Variants in PPP4R2 observed in about 807,000 individuals in gnomAD.
The protein encoded by PPP4R2 is serine/threonine-protein phosphatase 4 regulatory subunit 2.
PPP4R2 carries 13 observed loss-of-function variants against 47.2 expected under a neutral mutation model. The ratio of observed to expected loss-of-function variants is 0.28; its 90% CI spans 0.18 to 0.44. PPP4R2 has a LOEUF of 0.44. Ranked by LOEUF, PPP4R2 falls within the 20% of genes least tolerant of loss-of-function variation. The pLI is 1.00. For synonymous variants in PPP4R2, 151 were observed against 163.3 expected, an observed-to-expected ratio of 0.92 and a Z score of 0.57; for missense variants, 421 against 491.2, an observed-to-expected ratio of 0.86 and a Z score of 1.35.
chr3:73,044,773 T>G lies in PPP4R2; in HGVS notation c.117-2413T>G, dbSNP rs576843293. 2.6e-5 allele frequency among the ~76,000 whole-genome samples: 4 copies of G among 152,328 alleles called. No homozygotes were observed. The East Asian group carries it at 7.7e-4, about 29-fold the overall frequency. On this transcript the variant is annotated intron_variant, in intron 2 of 8. Coordinates refer to ENST00000356692, the MANE Select transcript of PPP4R2 (RefSeq NM_174907.4). ...TATCTTCTTTGGAGAAGTGCGTATT[T>G]AAGTACTTTGCCCATTTTTAAATTG...
intron 2 of PPP4R2, among the ~76,000 whole-genome samples, chr3:73,017,042 G>C (rs1227720353): frequency 6.6e-6 from 1 of 151,952 alleles, no homozygotes; most frequent in Non-Finnish European, 1.5e-5. Flanking sequence ...GCCCAGGCTG[G>C]TCCTGAACTC....
At chr3:73,045,526 A>ATTTTTTTTTT (rs10659714) in intron 2 of PPP4R2, among the ~76,000 whole-genome samples, 6 of 139,404 alleles carry the variant, frequency 4.3e-5, no homozygotes, top group East Asian at 4.1e-4. Flanking sequence ...CATTCTCCTA[A>ATTTTTTTTTT]TTTTTTTTTT....
chr3:73,012,387 G>C (rs11706155), intron 2 of PPP4R2, among the ~76,000 whole-genome samples: 80,214 of 151,788 alleles, frequency 0.53, 21,568 homozygotes, highest in African/African-American at 0.62. Flanking sequence ...GCAACCTCTG[G>C]CTTCCGGGTT....
rs143612642 is a variant in PPP4R2 at position 73,015,936 on chromosome 3, C to T, written c.116+17778C>T. ...TACAGACGTGAACTACTGCACCCGC[C>T]CTGTTTTTTTGAGTAGAGACAGGGT... is the stretch of plus-strand genomic sequence containing the variant. On this transcript the variant is annotated intron_variant, in intron 2 of 8. Transcript: ENST00000356692. 2.0e-3 allele frequency: 486 copies of T among 244,168 alleles called. 2 individuals are homozygous for T. Among genetic ancestry groups the T allele is most frequent in the Middle Eastern group, 0.013 (8 of 596 alleles). The allele number at this position is 244,168 out of a possible 1,614,324, so 15.1% of individuals were successfully genotyped here. A position where few individuals can be genotyped will look rare whatever the true frequency, so the allele number is the denominator to read the frequency against.
At chr3:73,064,259 A>G (rs1702936254) in intron 7 of PPP4R2, 113 bp downstream of exon 7, 2 of 927,170 alleles carry the variant, frequency 2.2e-6, no homozygotes, top group Non-Finnish European at 3.2e-6. Context: ...CAAGGTTTTC[A>G]TGCGGTTTAT....
At chr3:73,011,278 G>A (rs1287026006) in intron 2 of PPP4R2, among the ~76,000 whole-genome samples, 9 of 152,104 alleles carry the variant, frequency 5.9e-5, no homozygotes, top group Non-Finnish European at 1.2e-4. Flanking sequence ...TCAGGAGTTC[G>A]AGACTAGCCT....
At chr3:73,020,386 G>T (rs1701933901) in intron 2 of PPP4R2, among the ~76,000 whole-genome samples, 1 of 152,110 alleles carries the variant, frequency 6.6e-6, no homozygotes, top group African/African-American at 2.4e-5. Flanking sequence ...GGCCAGTTGT[G>T]GTGGGTGGCT....
chr3:73,046,686 G>A (rs1575875235), intron 2 of PPP4R2, among the ~76,000 whole-genome samples: 1 of 152,046 alleles, frequency 6.6e-6, no homozygotes, highest in Non-Finnish European at 1.5e-5. Context: ...AAAAGAGCCT[G>A]AAGATATTAA....
chr3:73,047,738 A>G (rs557745806), intron 3 of PPP4R2, among the ~76,000 whole-genome samples: 23 of 152,294 alleles, frequency 1.5e-4, no homozygotes, highest in African/African-American at 5.3e-4. Flanking sequence ...TTTTGTTTAG[A>G]CTTTTTTTGG....
At chr3:73,009,226 T>C (rs1701674552) in intron 2 of PPP4R2, among the ~76,000 whole-genome samples, 1 of 152,206 alleles carries the variant, frequency 6.6e-6, no homozygotes, top group African/African-American at 2.4e-5. Context: ...GGGGGTGGTA[T>C]TGTAGCAGTA....
intron 2 of PPP4R2, among the ~76,000 whole-genome samples, chr3:73,035,907 C>T (rs930871041): frequency 2.0e-5 from 3 of 152,260 alleles, no homozygotes; most frequent in South Asian, 2.1e-4. Flanking sequence ...TGAGCCACTG[C>T]GCCCGGCCAA....
At chr3:73,033,274 T>C (rs1170141393) in intron 2 of PPP4R2, among the ~76,000 whole-genome samples, 3 of 152,236 alleles carry the variant, frequency 2.0e-5, no homozygotes, top group Admixed American at 1.3e-4. Flanking sequence ...AGGAATTTTT[T>C]CATTGCTTTC....
At chr3:73,016,754 T>TTAATA in intron 2 of PPP4R2, among the ~76,000 whole-genome samples, 1 of 133,588 alleles carries the variant, frequency 7.5e-6, no homozygotes, top group African/African-American at 2.7e-5. Flanking sequence ...TTTTTTTTTT[T>TTAATA]AATACAGAGT....
intron 2 of PPP4R2, among the ~76,000 whole-genome samples, chr3:73,039,089 G>A (rs1702324940): frequency 6.6e-6 from 1 of 152,152 alleles, no homozygotes; most frequent in Non-Finnish European, 1.5e-5. Context: ...TAGGAAACAT[G>A]AGAAATATTT....
chr3:73,001,119 A>G (rs1459595389), intron 2 of PPP4R2, among the ~76,000 whole-genome samples: 1 of 152,058 alleles, frequency 6.6e-6, no homozygotes, highest in Admixed American at 6.6e-5. Flanking sequence ...CCTGCCTTTT[A>G]GTGGGAAATG....
intron 3 of PPP4R2, among the ~76,000 whole-genome samples, chr3:73,050,790 G>C (rs577182234): frequency 3.3e-5 from 5 of 152,278 alleles, no homozygotes; most frequent in Admixed American, 2.0e-4. Context: ...TTATTTGCCT[G>C]TCCTGATTGA....
At chr3:73,052,241 C>CTTTTTTTTTTTTTTTTTT (rs71845467) in intron 3 of PPP4R2, among the ~76,000 whole-genome samples, 1 of 137,732 alleles carries the variant, frequency 7.3e-6, no homozygotes, top group Non-Finnish European at 1.5e-5. Context: ...TAATTTCTTT[C>CTTTTTTTTTTTTTTTTTT]TTTTCTTTTT....
At position 73,064,138 on chromosome 3, in the gene PPP4R2, A is replaced by C. The variant is rs200200153; in HGVS notation, c.630A>C (p.Lys210Asn). ...CAAATTTGCAGCAAAATGAGGAGAA[A>C]AATCACAGGTTTGTATGTTTTATAT... ...KEANLQQNEEKNHSDSSTSES... is the reference protein window; with the variant it reads ...KEANLQQNEENNHSDSSTSES... Residue 210 changes from lysine (K) to asparagine (N), a missense_variant, in exon 7 of 9, where the codon AAA (lysine) becomes AAC (asparagine). Lys to Asn is a moderately conservative substitution (Grantham distance 94). Transcript: ENST00000356692. 3.7e-6 allele frequency: 6 copies of C among 1,605,414 alleles called. No homozygotes were observed. The African/African-American group carries it at 5.4e-5, about 14-fold the overall frequency.
At position 73,008,475 on chromosome 3, in the gene PPP4R2, G is replaced by A. The variant is rs557896951; in HGVS notation, c.116+10317G>A. ...GCCCAAATAAGCTCATGTTTTCCAT[G>A]GTCGGTTTAGTTTTTACTAGTCGTT... is the stretch of plus-strand genomic sequence containing the variant. On this transcript the variant is annotated intron_variant, in intron 2 of 8. Transcript: ENST00000356692. Among the ~76,000 whole-genome samples, 7 of 152,212 alleles carry A rather than the reference G, an allele frequency of 4.6e-5. No individual in the cohort carries two copies. The East Asian group carries it at 1.4e-3, about 29-fold the overall frequency.
Sources: gnomAD v4.1 joint callset for allele counts (sites outside exome capture counted in the v4.1 genomes callset) on GRCh38, gnomAD v4.1.1 for gene constraint, MANE v1.5 for transcripts, NCBI Gene and HGNC (gene_info 2026-07-23, HGNC 2026-07-21) for gene names.